Variants in PCDHGA6 observed in about 807,000 individuals in gnomAD.
The protein encoded by PCDHGA6 is protocadherin gamma-A6.
Under a neutral mutation model 60.6 loss-of-function variants are expected in PCDHGA6, and 41 were observed. The ratio of observed to expected loss-of-function variants is 0.68; its 90% confidence interval spans 0.53 to 0.88. The LOEUF (loss-of-function observed/expected upper bound fraction) is 0.88, where lower values mean the gene tolerates loss of function less well. Ranked by LOEUF, PCDHGA6 falls within the 40% of genes least tolerant of loss-of-function variation. The probability of loss-of-function intolerance (pLI) is 0.00; values close to 1 mark genes in which losing one functional copy is unlikely to be tolerated. For synonymous variants in PCDHGA6, 594 were observed against 524.4 expected (o/e 1.13, Z -1.81); for missense variants, 1,312 against 1,203.0 (o/e 1.09, Z -1.34).
intron 1 of PCDHGA6, chr5:141,384,771 C>A (rs568102289): frequency 1.2e-6 from 2 of 1,613,878 alleles, no homozygotes; most frequent in Non-Finnish European, 1.7e-6. Flanking sequence ...TGTACACGGG[C>A]GAGGTGCGCA....
chr5:141,469,881 G>A (rs922510082), intron 1 of PCDHGA6, among the ~76,000 whole-genome samples: 11 of 152,056 alleles, frequency 7.2e-5, no homozygotes, highest in Admixed American at 3.3e-4. Context: ...CTGTAATCTC[G>A]GCACTTTGGG....
At chr5:141,423,187 C>G in intron 1 of PCDHGA6, 5 of 1,613,640 alleles carry the variant, frequency 3.1e-6, no homozygotes, top group Middle Eastern at 1.6e-4. Context: ...CGGCCAGCCC[C>G]CTCTCTCGGC....
intron 1 of PCDHGA6, among the ~76,000 whole-genome samples, chr5:141,401,496 C>T (rs909382274): frequency 6.6e-6 from 1 of 152,190 alleles, no homozygotes; most frequent in African/African-American, 2.4e-5. Context: ...GATGCAAAAT[C>T]CTTTTCCACC....
At chr5:141,385,189 C>T (rs368141492) in intron 1 of PCDHGA6, 2 of 1,614,222 alleles carry the variant, frequency 1.2e-6, no homozygotes, top group Non-Finnish European at 1.7e-6. Context: ...CGCGGACTCT[C>T]GGAAGAGTCA....
chr5:141,388,628 G>A (rs752578230), intron 1 of PCDHGA6: 2 of 1,613,898 alleles, frequency 1.2e-6, no homozygotes. Flanking sequence ...ACGTATACAG[G>A]GTGAGCCTTT....
intron 2 of PCDHGA6, among the ~76,000 whole-genome samples, chr5:141,503,688 T>A (rs2099828724): frequency 6.6e-6 from 1 of 152,042 alleles, no homozygotes; most frequent in African/African-American, 2.4e-5. Context: ...GGAAGGAGAA[T>A]TGAGATTCCT....
chr5:141,385,239 C>A lies in PCDHGA6; in HGVS notation c.2424+8732C>A, dbSNP rs367668432. On this transcript the variant is annotated intron_variant, in intron 1 of 3. Transcript: ENST00000517434. ...AGCCCAACTATGTAGACATGCTCAT[C>A]AGCCAGGAGAGCTGTGAGAAAAATG... 4 of 1,613,960 alleles carry A rather than the reference C, an allele frequency of 2.5e-6. No individual in the cohort carries two copies. The African/African-American group carries it at 5.3e-5, about 22-fold the overall frequency.
chr5:141,413,265 T>C, intron 1 of PCDHGA6: 1 of 1,613,958 alleles, frequency 6.2e-7, no homozygotes, highest in Non-Finnish European at 8.5e-7. Context: ...CATGGGAGGC[T>C]GGAGCCCGGC....
intron 1 of PCDHGA6, chr5:141,398,702 C>G: frequency 6.2e-7 from 1 of 1,613,832 alleles, no homozygotes; most frequent in Non-Finnish European, 8.5e-7. Flanking sequence ...AGTAAATACC[C>G]GGAACTGGCA....
In PCDHGA6 at chr5:141,383,778, T is replaced by C. The variant is rs764919264; in HGVS notation, c.2424+7271T>C. 5 of 1,613,886 alleles carry C rather than the reference T, an allele frequency of 3.1e-6. No individual in the cohort carries two copies. In the African/African-American group the frequency reaches 6.7e-5, roughly 22 times the overall value. ...CTCCTAAACTTCCAAAGATGTTTCA[T>C]CTGAACTCGCTTACAGGAGAAATAT... On this transcript the variant is annotated intron_variant, in intron 1 of 3. Coordinates refer to ENST00000517434, the MANE Select transcript of PCDHGA6 (RefSeq NM_018919.3).
intron 1 of PCDHGA6, among the ~76,000 whole-genome samples, chr5:141,482,884 C>A (rs2099574053): frequency 6.6e-6 from 1 of 152,116 alleles, no homozygotes; most frequent in Non-Finnish European, 1.5e-5. Flanking sequence ...CCAGCCTGGC[C>A]AACATGGTGA....
chr5:141,445,446 G>T (rs2098467238), intron 1 of PCDHGA6, among the ~76,000 whole-genome samples: 1 of 152,264 alleles, frequency 6.6e-6, no homozygotes, highest in Admixed American at 6.5e-5. Flanking sequence ...ATGGACTAAG[G>T]ATGCAGCAAT....
intron 1 of PCDHGA6, chr5:141,409,236 C>T (rs1305954301): frequency 1.2e-6 from 2 of 1,613,866 alleles, no homozygotes; most frequent in Non-Finnish European, 8.5e-7. Flanking sequence ...GACAACAGCC[C>T]AGAAATAATC....
chr5:141,419,734 G>A, intron 1 of PCDHGA6: 2 of 1,613,792 alleles, frequency 1.2e-6, no homozygotes, highest in Non-Finnish European at 1.7e-6. Context: ...GAACAGGCGA[G>A]GTGCGCATGG....
chr5:141,415,533 G>A (rs749139053), intron 1 of PCDHGA6: 11 of 1,614,198 alleles, frequency 6.8e-6, no homozygotes, highest in Non-Finnish European at 6.8e-6. Flanking sequence ...TCATCAGCCA[G>A]GAGAGCTGTG....
intron 1 of PCDHGA6, chr5:141,414,381 T>A: frequency 6.2e-7 from 1 of 1,613,866 alleles, no homozygotes. Context: ...AAAAGTCCAT[T>A]GACAGTTATT....
intron 1 of PCDHGA6, chr5:141,399,489 A>G (rs764497801): frequency 2.5e-6 from 4 of 1,614,008 alleles, no homozygotes; most frequent in South Asian, 1.1e-5. Context: ...CGTCCTACTT[A>G]GTCAGTGTAC....
chr5:141,395,248 T>A, intron 1 of PCDHGA6: 1 of 1,561,360 alleles, frequency 6.4e-7, no homozygotes, highest in Non-Finnish European at 8.7e-7. Flanking sequence ...GTGAGTTTAG[T>A]TCTTTGCTTG....
At position 141,476,789 on chromosome 5, in the gene PCDHGA6, T is replaced by C; in HGVS notation, c.2425-18018T>C. ...GTTGGACGGAGGGACCCCAGCTCTC[T>C]CCGCCAGCCTGCCTATTCACATCAA... On this transcript the variant is annotated intron_variant, in intron 1 of 3. Transcript: ENST00000517434. The surrounding 1 kb of genome is among the most constrained non-coding windows in gnomAD (Gnocchi z 7.6). 1.2e-6 allele frequency: 2 copies of C among 1,613,374 alleles called. No individual in the cohort carries two copies. The highest frequency in any genetic ancestry group is 4.5e-5 in the East Asian group (2 of 44,864).
Sources: allele counts gnomAD v4.1 joint callset (sites outside exome capture counted in the v4.1 genomes callset), GRCh38; gene constraint gnomAD v4.1.1; non-coding constraint Gnocchi (gnomAD v3.1); transcripts MANE v1.5; gene names NCBI Gene and HGNC (gene_info 2026-07-23, HGNC 2026-07-21).